Variants in PTPRT observed in about 807,000 individuals in gnomAD.
The protein encoded by PTPRT is protein tyrosine phosphatase receptor type T.
A neutral mutation model predicts 176.8 loss-of-function variants in PTPRT; 56 were observed. The observed-to-expected ratio is 0.32, with a 90% CI of 0.26 to 0.40. The LOEUF is 0.40. Among genes scored for constraint, PTPRT ranks in the 10% least tolerant of loss-of-function variants. PTPRT has a pLI of 1.00. For missense variants in PTPRT, 1,540 were observed against 1,908.2 expected, an observed-to-expected ratio of 0.81 and a Z score of 3.60; for synonymous variants, 783 against 739.0, an observed-to-expected ratio of 1.06 and a Z score of -0.96.
At chr20:42,523,307 A>G (rs1191624152) in intron 7 of PTPRT, among the ~76,000 whole-genome samples, 1 of 152,160 alleles carries the variant, frequency 6.6e-6, no homozygotes, top group Non-Finnish European at 1.5e-5. Context: ...TCTCATAATA[A>G]TTTGATCGTC....
intron 1 of PTPRT, among the ~76,000 whole-genome samples, chr20:43,017,647 C>T (rs528916956): frequency 2.0e-5 from 3 of 152,326 alleles, no homozygotes; most frequent in South Asian, 2.1e-4. Context: ...GAAGGACAGA[C>T]GAGCTTCCTC....
At chr20:42,473,364 TTAAA>T (rs2071232485) in intron 7 of PTPRT, among the ~76,000 whole-genome samples, 1 of 150,980 alleles carries the variant, frequency 6.6e-6, no homozygotes. Context: ...TTTATGCACA[TTAAA>T]TAGATTTTTT....
chr20:42,048,953 C>T, the PTPRT span, among the ~76,000 whole-genome samples: 1 of 152,158 alleles, frequency 6.6e-6, no homozygotes, highest in Non-Finnish European at 1.5e-5. Flanking sequence ...TCCCAAGTAG[C>T]TGGGATTACA....
chr20:42,090,320 G>A (rs1471608519), intron 27 of PTPRT, among the ~76,000 whole-genome samples: 1 of 151,142 alleles, frequency 6.6e-6, no homozygotes, highest in African/African-American at 2.4e-5. Flanking sequence ...GGAAATTCTG[G>A]ATCAGCCAGC....
chr20:42,228,679 T>C (rs895491195), intron 15 of PTPRT, among the ~76,000 whole-genome samples: 19 of 152,180 alleles, frequency 1.2e-4, no homozygotes, highest in African/African-American at 4.3e-4. Context: ...TATAACTCAA[T>C]GAGAGACAAA....
intron 2 of PTPRT, among the ~76,000 whole-genome samples, chr20:42,818,582 A>G (rs1291043007): frequency 2.0e-5 from 3 of 152,214 alleles, no homozygotes; most frequent in African/African-American, 7.2e-5. Context: ...ATGGGTAATG[A>G]AAAACTAAGT....
chr20:42,992,291 C>T (rs1983958802), intron 1 of PTPRT, among the ~76,000 whole-genome samples: 1 of 152,146 alleles, frequency 6.6e-6, no homozygotes, highest in African/African-American at 2.4e-5. Context: ...TGAAAAAACC[C>T]CTCTGCTGAT....
At chr20:42,529,137 G>C (rs559655943) in intron 7 of PTPRT, among the ~76,000 whole-genome samples, 1 of 152,190 alleles carries the variant, frequency 6.6e-6, no homozygotes, top group Non-Finnish European at 1.5e-5. Flanking sequence ...ACATAACCCT[G>C]ATTCAGCTTC....
At chr20:43,154,260 C>A (rs1215414296) in intron 1 of PTPRT, among the ~76,000 whole-genome samples, 1 of 152,120 alleles carries the variant, frequency 6.6e-6, no homozygotes, top group Non-Finnish European at 1.5e-5. Flanking sequence ...TCCCGAATAC[C>A]ATTTACTGGC....
intron 9 of PTPRT, among the ~76,000 whole-genome samples, chr20:42,394,042 CTTT>C (rs200838113): frequency 0.073 from 10,060 of 138,482 alleles, 416 homozygotes; most frequent in African/African-American, 0.13. Flanking sequence ...TGTGACAGGT[CTTT>C]TTTTTTTTTT....
At chr20:42,482,827 T>A (rs538906440) in intron 7 of PTPRT, among the ~76,000 whole-genome samples, 1 of 152,302 alleles carries the variant, frequency 6.6e-6, no homozygotes, top group East Asian at 1.9e-4. Context: ...TTTTTGAGCA[T>A]CTATAGGGTG....
chr20:42,488,455 A>C (rs6016806), intron 7 of PTPRT, among the ~76,000 whole-genome samples: 22,860 of 152,078 alleles, frequency 0.15, 4,252 homozygotes, highest in African/African-American at 0.44. Flanking sequence ...CGTATTTTTT[A>C]CCATTACTAT....
chr20:42,363,021 T>C (rs1351201137), intron 9 of PTPRT, among the ~76,000 whole-genome samples: 3 of 143,688 alleles, frequency 2.1e-5, no homozygotes, highest in South Asian at 4.4e-4. Context: ...GGAGAATCAC[T>C]TGAATGCAGG....
intron 7 of PTPRT, among the ~76,000 whole-genome samples, chr20:42,620,961 C>T (rs55780401): frequency 0.21 from 31,946 of 152,054 alleles, 4,587 homozygotes; most frequent in African/African-American, 0.41. Context: ...ATCTTGGCTC[C>T]TCCCCCGAAA....
At chr20:42,854,767 C>T (rs1262513017) in intron 2 of PTPRT, among the ~76,000 whole-genome samples, 5 of 152,226 alleles carry the variant, frequency 3.3e-5, no homozygotes, top group Non-Finnish European at 5.9e-5. Flanking sequence ...TGCTTGCTTC[C>T]TCTCTGCCCA....
intron 7 of PTPRT, among the ~76,000 whole-genome samples, chr20:42,540,736 G>GT (rs1332054064): frequency 6.6e-6 from 1 of 152,164 alleles, no homozygotes; most frequent in Non-Finnish European, 1.5e-5. Flanking sequence ...CATAATAGTT[G>GT]TGCAGGAAGG....
chr20:42,194,240 G>A (rs966389048), intron 16 of PTPRT, among the ~76,000 whole-genome samples: 1 of 152,190 alleles, frequency 6.6e-6, no homozygotes, highest in African/African-American at 2.4e-5. Context: ...ATGGCTTACA[G>A]CACAGGGGTA....
At position 42,576,220 on chromosome 20, in the gene PTPRT, C is replaced by G. The variant is rs1487565249; in HGVS notation, c.1153+101646G>C. 2.0e-5 allele frequency among the ~76,000 whole-genome samples: 3 copies of G among 152,138 alleles called. 1 individual carries two copies. Among genetic ancestry groups the G allele is most frequent in the Non-Finnish European group, 4.4e-5 (3 of 68,028 alleles). ...TCTCCATTAACAATTCCACCCTTCC[C>G]TCTCCTCATTTTGACTCATCTCAGT... On this transcript the variant is annotated intron_variant, in intron 7 of 30. Coordinates refer to ENST00000373187, the MANE Select transcript of PTPRT (RefSeq NM_007050.6).
chr20:42,821,851 C>G (rs896854184), intron 2 of PTPRT, among the ~76,000 whole-genome samples: 2 of 152,104 alleles, frequency 1.3e-5, no homozygotes, highest in Non-Finnish European at 2.9e-5. Flanking sequence ...ATACAGCTAA[C>G]AAGGGATGTG....
Sources: allele counts gnomAD v4.1 joint callset (sites outside exome capture counted in the v4.1 genomes callset), GRCh38; gene constraint gnomAD v4.1.1; transcripts MANE v1.5; gene names NCBI Gene and HGNC (gene_info 2026-07-23, HGNC 2026-07-21).